Variants in NEK7 observed in about 807,000 individuals in gnomAD.
NEK7 encodes the protein NIMA related kinase 7, also known as serine/threonine-protein kinase Nek7.
In NEK7, 18 loss-of-function variants were observed where a neutral mutation model predicts 44.6. The observed-to-expected ratio is 0.40, with a 90% CI of 0.28 to 0.60. The LOEUF is 0.60. Among genes scored for constraint, NEK7 ranks in the 20% least tolerant of loss-of-function variants. The pLI, the probability that NEK7 is intolerant of heterozygous loss-of-function variation, is 0.38. For missense variants in NEK7, 256 were observed against 366.5 expected, an observed-to-expected ratio of 0.70 and a Z score of 2.46; for synonymous variants, 130 against 121.1, an observed-to-expected ratio of 1.07 and a Z score of -0.48.
rs142866773 is a variant in NEK7 at position 198,263,543 on chromosome 1, G to A, written c.262-582G>A. Among the ~76,000 whole-genome samples the A allele has an allele frequency of 2.5e-3, 383 of 152,008 alleles. 1 individual carries two copies. The highest frequency in any genetic ancestry group is 0.02 in the Middle Eastern group (6 of 294). ...TGAACAAAAGGATTGCAAATGAGTA[G>A]GGACTGATACGTATATTTCTACAAG... On this transcript the variant is annotated intron_variant, in intron 4 of 9. Coordinates refer to ENST00000367385, the MANE Select transcript of NEK7 (RefSeq NM_133494.3).
At chr1:198,297,914 T>A (rs1445046710) in intron 9 of NEK7, among the ~76,000 whole-genome samples, 1 of 152,204 alleles carries the variant, frequency 6.6e-6, no homozygotes, top group African/African-American at 2.4e-5. Context: ...CTTGCTTGCT[T>A]GCTTTGGTAA....
intron 9 of NEK7, among the ~76,000 whole-genome samples, chr1:198,308,983 G>C (rs761474088): frequency 2.0e-5 from 3 of 152,096 alleles, no homozygotes; most frequent in Non-Finnish European, 4.4e-5. Context: ...AGCACTTACT[G>C]TTCATCCGGT....
intron 2 of NEK7, among the ~76,000 whole-genome samples, chr1:198,235,252 T>A (rs1666515345): frequency 6.6e-6 from 1 of 152,216 alleles, no homozygotes; most frequent in Admixed American, 6.5e-5. Context: ...CCATAATGTA[T>A]AATATGTGGT....
At chr1:198,221,457 A>G (rs1666076280) in intron 1 of NEK7, among the ~76,000 whole-genome samples, 1 of 151,746 alleles carries the variant, frequency 6.6e-6, no homozygotes. Flanking sequence ...GACCAATTAT[A>G]AAGTTTTTTT....
At chr1:198,161,054 A>G (rs1228339234) in intron 1 of NEK7, among the ~76,000 whole-genome samples, 1 of 152,180 alleles carries the variant, frequency 6.6e-6, no homozygotes, top group Non-Finnish European at 1.5e-5. Flanking sequence ...CTGCCATACT[A>G]TTTAGGTAAT....
intron 3 of NEK7, among the ~76,000 whole-genome samples, chr1:198,256,689 G>T (rs1451152274): frequency 6.6e-6 from 1 of 152,048 alleles, no homozygotes; most frequent in Non-Finnish European, 1.5e-5. Context: ...AGACTCATGG[G>T]ATTCTAGTGG....
At chr1:198,225,024 G>C (rs1006743742) in intron 1 of NEK7, among the ~76,000 whole-genome samples, 1 of 151,920 alleles carries the variant, frequency 6.6e-6, no homozygotes, top group African/African-American at 2.4e-5. Context: ...AAATTTCAGA[G>C]TAATCATATA....
At chr1:198,274,585 G>C (rs1446243865) in intron 5 of NEK7, among the ~76,000 whole-genome samples, 1 of 151,654 alleles carries the variant, frequency 6.6e-6, no homozygotes, top group Non-Finnish European at 1.5e-5. Flanking sequence ...ATCTTTCTCT[G>C]TTGATGAGGT....
intron 1 of NEK7, among the ~76,000 whole-genome samples, chr1:198,231,955 T>C (rs1164371357): frequency 6.6e-6 from 1 of 152,124 alleles, no homozygotes; most frequent in Non-Finnish European, 1.5e-5. Context: ...GGGCTGTGTG[T>C]CATTAAATAT....
intron 1 of NEK7, among the ~76,000 whole-genome samples, chr1:198,217,277 G>T (rs1297172654): frequency 6.6e-6 from 1 of 151,810 alleles, no homozygotes; most frequent in Non-Finnish European, 1.5e-5. Flanking sequence ...GGGTTGCAGG[G>T]ATGGTTCAAC....
chr1:198,173,426 CT>C (rs200896580), intron 1 of NEK7, among the ~76,000 whole-genome samples: 81 of 131,396 alleles, frequency 6.2e-4, no homozygotes, highest in East Asian at 2.4e-3. Context: ...GAGACTCTGT[CT>C]TTTAAAAAAA....
chr1:198,266,047 C>T (rs1051058285), intron 5 of NEK7, among the ~76,000 whole-genome samples: 2 of 152,004 alleles, frequency 1.3e-5, no homozygotes, highest in Admixed American at 6.6e-5. Flanking sequence ...CAAAACCTTC[C>T]CAACTTTACT....
intron 1 of NEK7, among the ~76,000 whole-genome samples, chr1:198,200,649 C>T (rs1188718008): frequency 1.3e-5 from 2 of 151,440 alleles, no homozygotes; most frequent in African/African-American, 4.9e-5. Flanking sequence ...CACCTGGCTT[C>T]AAGTGATTCT....
At chr1:198,298,933 T>G (rs755666243) in intron 9 of NEK7, among the ~76,000 whole-genome samples, 51 of 152,234 alleles carry the variant, frequency 3.4e-4, no homozygotes, top group Non-Finnish European at 6.0e-4. Context: ...GCTACTTCAC[T>G]GCAGCTAAGT....
At chr1:198,317,996 T>C (rs548913952) in intron 9 of NEK7, among the ~76,000 whole-genome samples, 7 of 150,486 alleles carry the variant, frequency 4.7e-5, no homozygotes, top group Non-Finnish European at 5.9e-5. Flanking sequence ...CTTAAGGGTT[T>C]TAAATGCTGT....
chr1:198,304,385 A>C (rs563641145), intron 9 of NEK7, among the ~76,000 whole-genome samples: 1 of 152,268 alleles, frequency 6.6e-6, no homozygotes, highest in African/African-American at 2.4e-5. Context: ...TTTTGTATGA[A>C]TATCTAAAGC....
chr1:198,271,492 T>C (rs1364941333), intron 5 of NEK7, among the ~76,000 whole-genome samples: 1 of 152,024 alleles, frequency 6.6e-6, no homozygotes, highest in Non-Finnish European at 1.5e-5. Flanking sequence ...GTTTGGCTGT[T>C]TTTACATTTG....
chr1:198,247,592 G>A (rs539399310), intron 2 of NEK7, among the ~76,000 whole-genome samples: 43 of 152,188 alleles, frequency 2.8e-4, no homozygotes, highest in African/African-American at 2.4e-4. Context: ...ATGAATTTGC[G>A]AAATTTGAAA....
intron 1 of NEK7, among the ~76,000 whole-genome samples, chr1:198,178,975 T>C (rs1350232349): frequency 6.6e-6 from 1 of 150,768 alleles, no homozygotes; most frequent in Admixed American, 6.6e-5. Flanking sequence ...AGAAAAGCAT[T>C]TGATACCATT....
Sources: gnomAD v4.1 joint callset for allele counts (sites outside exome capture counted in the v4.1 genomes callset) on GRCh38, gnomAD v4.1.1 for gene constraint, MANE v1.5 for transcripts, NCBI Gene and HGNC (gene_info 2026-07-23, HGNC 2026-07-21) for gene names.